SENP2: variants seen among roughly 807,000 people sequenced by gnomAD.
The protein encoded by SENP2 is sentrin-specific protease 2.
Under a neutral mutation model 86.3 loss-of-function variants are expected in SENP2, and 16 were observed. The ratio of observed to expected loss-of-function variants is 0.19; its 90% CI spans 0.13 to 0.28. The LOEUF (loss-of-function observed/expected upper bound fraction) is 0.28, where lower values mean the gene tolerates loss of function less well. Among genes scored for constraint, SENP2 ranks in the 10% least tolerant of loss-of-function variants. The pLI, the probability that SENP2 is intolerant of heterozygous loss-of-function variation, is 1.00. For missense variants in SENP2, 552 were observed against 703.0 expected (o/e 0.79, Z 2.43); for synonymous variants, 222 against 238.7 (o/e 0.93, Z 0.64).
In SENP2 at chr3:185,619,467, G is replaced by T; in HGVS notation, c.1411G>T (p.Val471Leu). The change falls in exon 13 of 17, where the codon GTG (valine) becomes TTG (leucine). Residue 471 changes from valine to leucine, a missense_variant. This residue lies in a region of SENP2 where 169 missense variants were observed against 275.7 expected (regional missense o/e 0.61). Coordinates refer to ENST00000296257, the MANE Select transcript of SENP2 (RefSeq NM_021627.3). ...VNLFEQEIIL[V>L]PIHRKVHWSL... is the part of the protein sequence containing the mutation. ...TCTCTTTGAACAAGAAATTATTCTG[G>T]TGCCTATTCATCGGAAGGTACATTG... The T allele has an allele frequency of 6.2e-7, 1 of 1,614,088 alleles. No individual in the cohort carries two copies. Among genetic ancestry groups the T allele is most frequent in the South Asian group, 1.1e-5 (1 of 91,080 alleles).
intron 11 of SENP2, 125 bp downstream of exon 11, chr3:185,614,865 G>T: frequency 2.4e-6 from 2 of 839,218 alleles, no homozygotes; most frequent in Non-Finnish European, 3.7e-6. Context: ...AACATGTCAG[G>T]TCCATGGTCT....
At chr3:185,612,283 C>A in intron 8 of SENP2, 1 of 216,622 alleles carries the variant, frequency 4.6e-6, no homozygotes, top group Non-Finnish European at 9.2e-6. Context: ...TAGATAGTAG[C>A]AACTATTTTG....
chr3:185,627,726 T>C (rs1051513099), intron 16 of SENP2, among the ~76,000 whole-genome samples: 3 of 152,156 alleles, frequency 2.0e-5, no homozygotes, highest in Admixed American at 2.0e-4. Context: ...TGCTCTTTTG[T>C]TTAATTCTCC....
At chr3:185,604,173 C>A (rs1362929897) in intron 5 of SENP2, among the ~76,000 whole-genome samples, 6 of 152,138 alleles carry the variant, frequency 3.9e-5, no homozygotes, top group Non-Finnish European at 7.3e-5. Flanking sequence ...TTCTATTTTA[C>A]TTCCTCTTTG....
Position 185,586,392 on chromosome 3 carries a change from G to T in SENP2, c.-22G>T. On this transcript the variant is annotated 5_prime_UTR_variant, in exon 1 of 17. Transcript: ENST00000296257. The surrounding 1 kb of genome is among the most constrained non-coding windows in gnomAD (Gnocchi z 4.3). ...GTTTGCGTCTCGGGGTGTGTCGGCC[G>T]CCGCTGCTGCTTGGGCCTGGTATGT... 1 of 1,613,018 alleles carries T rather than the reference G, an allele frequency of 6.2e-7. No homozygotes were observed. Among genetic ancestry groups the T allele is most frequent in the East Asian group, 2.2e-5 (1 of 44,866 alleles).
In SENP2 at chr3:185,630,941, C is replaced by T. The variant is rs1712428281; in HGVS notation, c.*1097C>T. ...GCCAGTTATACAATAATCTATTTTG[C>T]ATATGAAAGTTTGTATTTAACTTTT... On this transcript the variant is annotated 3_prime_UTR_variant, in exon 17 of 17. Coordinates refer to ENST00000296257, the MANE Select transcript of SENP2 (RefSeq NM_021627.3). The T allele has an allele frequency of 2.0e-5, 3 of 152,094 alleles. No individual in the cohort carries two copies. 9.4% of individuals were successfully genotyped at this position (152,094 alleles called of 1,614,324 possible). A position where few individuals can be genotyped will look rare whatever the true frequency, so the allele number is the denominator to read the frequency against.
At chr3:185,615,288 A>G (rs1326145913) in intron 11 of SENP2, among the ~76,000 whole-genome samples, 1 of 152,218 alleles carries the variant, frequency 6.6e-6, no homozygotes, top group Non-Finnish European at 1.5e-5. Flanking sequence ...GTGGAGAGAG[A>G]GATCCATAAA....
rs953000147 is a variant in SENP2 at position 185,609,264 on chromosome 3, A to G, written c.636A>G (p.Glu212=). 6.2e-6 allele frequency: 10 copies of G among 1,613,184 alleles called. No individual in the cohort carries two copies. The African/African-American group carries it at 1.2e-4, about 19-fold the overall frequency. Residue 212 remains glutamate (E), a synonymous_variant, in exon 7 of 17, where the codon GAA becomes GAG. Transcript: ENST00000296257. ...CTVEEGVQKE[E]REKYRKLLER... is the part of the protein sequence containing the mutation. ...TTATTTAGGGTGTTCAAAAAGAGGA[A>G]AGAGAGAAGTACCGAAAGTTATTGG... is the stretch of plus-strand genomic sequence containing the variant.
At chr3:185,606,729 T>C in intron 6 of SENP2, 1 of 534,226 alleles carries the variant, frequency 1.9e-6, no homozygotes, top group Non-Finnish European at 3.4e-6. Context: ...AAAGTTCTTA[T>C]GAGATTGTCC....
intron 11 of SENP2, among the ~76,000 whole-genome samples, chr3:185,616,030 T>C (rs959747993): frequency 1.3e-5 from 2 of 151,606 alleles, no homozygotes; most frequent in African/African-American, 4.8e-5. Flanking sequence ...GCCCAGCTAA[T>C]TTTTGTATTT....
rs773889630 is a variant in SENP2 at position 185,600,901 on chromosome 3, G to C, written c.449+46G>C. On this transcript the variant is annotated intron_variant, in intron 5 of 16. Coordinates refer to ENST00000296257, the MANE Select transcript of SENP2 (RefSeq NM_021627.3). ...GTAAATGGAAACTTAGCATTTATTA[G>C]GTGCTCACTCTTGCTAGGCAGTCTC... 1.3e-5 allele frequency: 17 copies of C among 1,306,758 alleles called. No homozygotes were observed. In the African/African-American group the frequency reaches 2.3e-4, roughly 18 times the overall value. The allele number at this position is 1,306,758 out of a possible 1,614,324, so 80.9% of individuals were successfully genotyped here.
intron 6 of SENP2, among the ~76,000 whole-genome samples, chr3:185,607,121 C>T (rs1445103817): frequency 1.3e-5 from 2 of 151,376 alleles, no homozygotes; most frequent in East Asian, 1.9e-4. Flanking sequence ...AAAGTATGTA[C>T]GGTAACTAAA....
chr3:185,629,698 C>A, intron 16 of SENP2, 84 bp from the exon 17 acceptor site: 1 of 1,331,428 alleles, frequency 7.5e-7, no homozygotes, highest in Non-Finnish European at 1.1e-6. Flanking sequence ...GGACATCCTG[C>A]TTTATTACAT....
At chr3:185,622,543 A>G (rs1319335930) in intron 14 of SENP2, among the ~76,000 whole-genome samples, 1 of 152,172 alleles carries the variant, frequency 6.6e-6, no homozygotes, top group Non-Finnish European at 1.5e-5. Context: ...TTGTTTTAGT[A>G]TAAAATATTA....
chr3:185,621,916 G>T lies in SENP2; in HGVS notation c.1526+11G>T. Reference sequence around the variant, plus strand: ...CTGTGAGATTCTCCTGTAAGTAAAGGTTGAAAACCTCACTACCCCCTGTTG... The same window carrying T: ...CTGTGAGATTCTCCTGTAAGTAAAGTTTGAAAACCTCACTACCCCCTGTTG... On this transcript the variant is annotated intron_variant, in intron 14 of 16. Transcript: ENST00000296257. The T allele has an allele frequency of 1.3e-6, 2 of 1,582,354 alleles. No homozygotes were observed. The highest frequency in any genetic ancestry group is 1.7e-6 in the Non-Finnish European group (2 of 1,152,710).
chr3:185,628,663 C>G (rs1187433271), intron 16 of SENP2, among the ~76,000 whole-genome samples: 1 of 152,106 alleles, frequency 6.6e-6, no homozygotes, highest in Non-Finnish European at 1.5e-5. Flanking sequence ...TGCGCCACCA[C>G]CCCTGGCTAA....
At chr3:185,594,310 GC>G (rs1417362555) in intron 2 of SENP2, among the ~76,000 whole-genome samples, 3 of 152,086 alleles carry the variant, frequency 2.0e-5, no homozygotes, top group Non-Finnish European at 4.4e-5. Context: ...TTTCTGAATG[GC>G]AAATTGTAGA....
chr3:185,607,346 G>A (rs1266991731), intron 6 of SENP2, among the ~76,000 whole-genome samples: 1 of 11,244 alleles, frequency 8.9e-5, no homozygotes. Flanking sequence ...TTTTTTTTTT[G>A]AGACAGAGTT....
intron 2 of SENP2, among the ~76,000 whole-genome samples, chr3:185,598,071 A>C (rs1456783810): frequency 3.3e-5 from 5 of 152,144 alleles, no homozygotes; most frequent in African/African-American, 1.2e-4. Flanking sequence ...GGAGTGCAGT[A>C]GCACAATCAC....
Sources: allele counts gnomAD v4.1 joint callset (sites outside exome capture counted in the v4.1 genomes callset), GRCh38; gene constraint gnomAD v4.1.1; regional missense constraint gnomAD v4.1.1; non-coding constraint Gnocchi (gnomAD v3.1); transcripts MANE v1.5; gene names NCBI Gene and HGNC (gene_info 2026-07-23, HGNC 2026-07-21).